Variants in TLR8 observed in about 807,000 individuals in gnomAD.
The protein encoded by TLR8 is toll like receptor 8, also known as toll-like receptor 8.
Under a neutral mutation model 18.5 loss-of-function variants are expected in TLR8, and 5 were observed. The ratio of observed to expected loss-of-function variants is 0.27; its 90% CI spans 0.14 to 0.57. TLR8 has a LOEUF of 0.57. TLR8 is among the 20% of genes least tolerant of loss of function. The pLI is 0.92. For synonymous variants in TLR8, 299 were observed against 300.1 expected, an observed-to-expected ratio of 1.00 and a Z score of 0.04; for missense variants, 543 against 769.8, an observed-to-expected ratio of 0.71 and a Z score of 3.49.
intron 1 of TLR8, among the ~76,000 whole-genome samples, chrX:12,907,519 C>A (rs1362731876): frequency 5.4e-5 from 6 of 111,990 alleles, no homozygotes; most frequent in Admixed American, 4.7e-4. Flanking sequence ...TTAATTTTGA[C>A]AACAATTTAA....
At chrX:12,913,988 GTTAT>G (rs780323268) in intron 1 of TLR8, among the ~76,000 whole-genome samples, 2 of 111,606 alleles carry the variant, frequency 1.8e-5, no homozygotes, top group African/African-American at 6.5e-5. Flanking sequence ...TTTCTATTGG[GTTAT>G]TTGTCTTTTC....
In TLR8 at chrX:12,921,325, C is replaced by A. The variant is rs374099429; in HGVS notation, c.2285C>A (p.Thr762Asn). 4 of 1,209,984 alleles carry A rather than the reference C, an allele frequency of 3.3e-6. No homozygotes were observed. In the African/African-American group the frequency reaches 7.0e-5, roughly 21 times the overall value. ...TCCGCACTTGAAACTAAGACCACCA[C>A]CAAATTATCTATGTTGGAACTACAC... ...NKSALETKTT[T>N]KLSMLELHGN... Residue 762 changes from threonine (T) to asparagine (N), a missense_variant, in exon 2 of 2, where the codon ACC (threonine) becomes AAC (asparagine). Thr to Asn is a moderately conservative substitution (Grantham distance 65, BLOSUM62 0). Transcript: ENST00000218032.
At position 12,919,596 on chromosome X, in the gene TLR8, G is replaced by A; in HGVS notation, c.556G>A (p.Val186Ile). Residue 186 changes from valine (V) to isoleucine (I), a missense_variant, in exon 2 of 2, where the codon GTT becomes ATT. Val to Ile is a conservative substitution (Grantham distance 29, BLOSUM62 3). Transcript: ENST00000218032. Reference protein sequence around the residue: ...YLAWNCYFNKVCEKTNIEDGV... With the variant: ...YLAWNCYFNKICEKTNIEDGV... ...GGCCTGGAACTGCTATTTTAACAAA[G>A]TTTGCGAGAAAACTAACATAGAAGA... The A allele has an allele frequency of 8.3e-7, 1 of 1,209,219 alleles. No individual in the cohort carries two copies. The highest frequency in any genetic ancestry group is 1.7e-5 in the African/African-American group (1 of 57,687).
Position 12,906,682 on chromosome X carries a change from A to G in TLR8, c.-25A>G, listed in dbSNP as rs779041229. On this transcript the variant is annotated 5_prime_UTR_variant, in exon 1 of 2. Transcript: ENST00000218032. ...CATTCTGCGCTGCTGCAAGTTACGG[A>G]ATGAAAAATTAGAACAACAGAAACA... 9.9e-6 allele frequency: 11 copies of G among 1,107,513 alleles called. No homozygotes were observed. The East Asian group carries it at 3.1e-4, about 32-fold the overall frequency. The allele number at this position is 1,107,513 out of a possible 1,213,427, so 91.3% of individuals were successfully genotyped here. A position where few individuals can be genotyped will look rare whatever the true frequency, so the allele number is the denominator to read the frequency against.
chrX:12,911,015 T>C (rs1418670318), intron 1 of TLR8, among the ~76,000 whole-genome samples: 1 of 109,880 alleles, frequency 9.1e-6, no homozygotes, highest in African/African-American at 3.3e-5. Context: ...CACTGGGTGC[T>C]CTAAGACAAC....
rs2043107480 is a variant in TLR8 at position 12,923,097 on chromosome X, C to G, written c.*931C>G. On this transcript the variant is annotated 3_prime_UTR_variant, in exon 2 of 2. Transcript: ENST00000218032. ...TAAAAGTATGCAGCTAAATTCGAAGCTTTTGGTCTATATTGTTAATTGCCA... is the reference window on the plus strand; with the variant it reads ...TAAAAGTATGCAGCTAAATTCGAAGGTTTTGGTCTATATTGTTAATTGCCA... 1 of 111,623 alleles carries G rather than the reference C, an allele frequency of 9.0e-6. No individual in the cohort carries two copies. Among genetic ancestry groups the G allele is most frequent in the Admixed American group, 9.5e-5 (1 of 10,486 alleles). The allele number at this position is 111,623 out of a possible 1,213,427, so 9.2% of individuals were successfully genotyped here.
rs748873950 is a variant in TLR8, at chrX:12,921,570, T to C, written c.2530T>C (p.Leu844=). 2.4e-5 allele frequency: 29 copies of C among 1,210,462 alleles called. No homozygotes were observed. In the East Asian group the frequency reaches 8.6e-4, roughly 36 times the overall value. ...GTTCTTTATCACCACCATGGTTATGTTGGCTGCCCTGGCTCACCATTTGTT... is the reference window on the plus strand; with the variant it reads ...GTTCTTTATCACCACCATGGTTATGCTGGCTGCCCTGGCTCACCATTTGTT... ...FTFFITTMVM[L]AALAHHLFYW... Residue 844 remains leucine (L), a synonymous_variant, in exon 2 of 2, where the codon TTG becomes CTG. Coordinates refer to ENST00000218032, the MANE Select transcript of TLR8 (RefSeq NM_138636.5).
chrX:12,920,120 C>A lies in TLR8; in HGVS notation c.1080C>A (p.Ser360=). 8.3e-7 allele frequency: 1 copy of A among 1,210,170 alleles called. No homozygotes were observed. The highest frequency in any genetic ancestry group is 1.1e-6 in the Non-Finnish European group (1 of 894,773). The change falls in exon 2 of 2, where the codon TCC becomes TCA. Residue 360 remains serine (S), a synonymous_variant. Transcript: ENST00000218032. ...KGSYPQHINI[S]RNFSKLLSLR... ...GTTATCCACAGCATATTAATATTTC[C>A]AGAAACTTCTCTAAACTTTTGTCTC...
Position 12,921,461 on chromosome X carries a change from G to A in TLR8, c.2421G>A (p.Gly807=), listed in dbSNP as rs1258598770. The change falls in exon 2 of 2, where the codon GGG becomes GGA. Residue 807 remains glycine, a synonymous_variant. Transcript: ENST00000218032. ...RLVDVICASP[G]DQRGKSIVSL... ...TAGATGTCATTTGTGCCAGTCCTGG[G>A]GATCAAAGAGGGAAGAGTATTGTGA... is the stretch of plus-strand genomic sequence containing the variant. 1.7e-6 allele frequency: 2 copies of A among 1,211,581 alleles called. No individual in the cohort carries two copies. The highest frequency in any genetic ancestry group is 2.2e-6 in the Non-Finnish European group (2 of 895,392).
At chrX:12,910,628 T>C (rs1451174593) in intron 1 of TLR8, among the ~76,000 whole-genome samples, 2 of 112,305 alleles carry the variant, frequency 1.8e-5, no homozygotes, top group African/African-American at 6.5e-5. Flanking sequence ...TATCTGCTCA[T>C]TGCAACTCCC....
Position 12,906,635 on chromosome X carries a change from C to A in TLR8, c.-72C>A, listed in dbSNP as rs1326097849. Reference sequence around the variant, plus strand: ...GAAGTTAGCCAGTTTCTCTTCTCGGCCACCTCCTGCATAGAGGGTACCATT... The same window carrying A: ...GAAGTTAGCCAGTTTCTCTTCTCGGACACCTCCTGCATAGAGGGTACCATT... On this transcript the variant is annotated 5_prime_UTR_variant, in exon 1 of 2. Coordinates refer to ENST00000218032, the MANE Select transcript of TLR8 (RefSeq NM_138636.5). The A allele has an allele frequency of 5.2e-6, 5 of 963,064 alleles. No individual in the cohort carries two copies. The highest frequency in any genetic ancestry group is 6.7e-6 in the Non-Finnish European group (5 of 744,774). The allele number at this position is 963,064 out of a possible 1,213,427, so 79.4% of individuals were successfully genotyped here.
chrX:12,919,213 C>T lies in TLR8; in HGVS notation c.173C>T (p.Pro58Leu). 1.7e-6 allele frequency: 2 copies of T among 1,211,741 alleles called. No homozygotes were observed. Among genetic ancestry groups the T allele is most frequent in the Non-Finnish European group, 2.2e-6 (2 of 895,473 alleles). Residue 58 changes from proline to leucine, a missense_variant, in exon 2 of 2, where the codon CCC (proline) becomes CTC (leucine). Physicochemically the swap from Pro to Leu is moderately conservative, Grantham distance 98. Transcript: ENST00000218032. The stretch of plus-strand genomic sequence containing the variant: ...AGCAATCGTCGACTACAGGAAGTTC[C>T]CCAAACGGTGGGCAAATATGTGACA... ...ECSNRRLQEVPQTVGKYVTEL... is the reference protein window; with the variant it reads ...ECSNRRLQEVLQTVGKYVTEL...
chrX:12,910,707 C>T (rs889167586), intron 1 of TLR8, among the ~76,000 whole-genome samples: 22 of 112,007 alleles, frequency 2.0e-4, no homozygotes, highest in African/African-American at 6.8e-4. Flanking sequence ...CTTTTAAAAA[C>T]GTGTTTGGTG....
Position 12,920,642 on chromosome X carries a change from T to C in TLR8, c.1602T>C (p.Tyr534=). The part of the protein sequence containing the change: ...TEFSAIPHVK[Y]LDLTNNRLDF... ...TTTCAGCCATTCCTCATGTCAAATA[T>C]TTGGATTTGACAAACAATAGACTAG... is the stretch of plus-strand genomic sequence containing the variant. The change falls in exon 2 of 2, where the codon TAT becomes TAC. Residue 534 remains tyrosine, a synonymous_variant. Coordinates refer to ENST00000218032, the MANE Select transcript of TLR8 (RefSeq NM_138636.5). 1 of 1,210,771 alleles carries C rather than the reference T, an allele frequency of 8.3e-7. No individual in the cohort carries two copies. The highest frequency in any genetic ancestry group is 1.1e-6 in the Non-Finnish European group (1 of 894,594).
intron 1 of TLR8, among the ~76,000 whole-genome samples, chrX:12,915,147 A>G (rs1371605916): frequency 1.8e-5 from 2 of 111,376 alleles, no homozygotes; most frequent in Non-Finnish European, 3.8e-5. Context: ...TTTAATTAAT[A>G]TTTTTTAAAC....
In TLR8 at chrX:12,920,229, T is replaced by C; in HGVS notation, c.1189T>C (p.Ser397Pro). 8.3e-7 allele frequency: 1 copy of C among 1,207,470 alleles called. No homozygotes were observed. Among genetic ancestry groups the C allele is most frequent in the Non-Finnish European group, 1.1e-6 (1 of 893,531 alleles). Residue 397 changes from serine to proline, a missense_variant, in exon 2 of 2, where the codon TCG becomes CCG. Physicochemically the swap from Ser to Pro is moderately conservative, Grantham distance 74 (BLOSUM62 -1). Around this residue, in one of 4 missense-constraint regions of TLR8, gnomAD observed 185 missense variants for 298.9 expected, o/e 0.62. Coordinates refer to ENST00000218032, the MANE Select transcript of TLR8 (RefSeq NM_138636.5). ...FQPLMQLPNL[S>P]TINLGINFIK... Reference sequence around the variant, plus strand: ...GCCCCTGATGCAGCTTCCAAACTTATCGACTATCAACTTGGGTATTAATTT... The same window carrying C: ...GCCCCTGATGCAGCTTCCAAACTTACCGACTATCAACTTGGGTATTAATTT...
chrX:12,916,422 G>A (rs773316138), intron 1 of TLR8, among the ~76,000 whole-genome samples: 1 of 111,679 alleles, frequency 9.0e-6, no homozygotes, highest in South Asian at 3.7e-4. Context: ...AATCACACAG[G>A]CTGAGATCTG....
intron 1 of TLR8, among the ~76,000 whole-genome samples, chrX:12,916,651 AG>A (rs2043057803): frequency 8.9e-6 from 1 of 112,130 alleles, no homozygotes; most frequent in Admixed American, 9.5e-5. Context: ...CTATTACTGC[AG>A]AACAAATCGC....
intron 1 of TLR8, among the ~76,000 whole-genome samples, chrX:12,909,859 TTTTTTG>T (rs1231441041): frequency 2.7e-5 from 3 of 112,225 alleles, no homozygotes; most frequent in Non-Finnish European, 5.6e-5. Flanking sequence ...TTCTTTGGGT[TTTTTTG>T]TTTTTGTTTT....
Sources: gnomAD v4.1 joint callset for allele counts (sites outside exome capture counted in the v4.1 genomes callset) on GRCh38, gnomAD v4.1.1 for gene constraint, gnomAD v4.1.1 regional missense constraint, MANE v1.5 for transcripts, NCBI Gene and HGNC (gene_info 2026-07-23, HGNC 2026-07-21) for gene names.